The following TCP11 variants were observed in gnomAD, a reference collection of about 807,000 sequenced individuals.
The protein encoded by TCP11 is T-complex protein 11 homolog.
TCP11 carries 34 observed loss-of-function variants against 45.0 expected under a neutral mutation model. That is an observed-to-expected ratio of 0.76 (90% CI 0.57 to 1.01). The LOEUF (loss-of-function observed/expected upper bound fraction) is 1.01, where lower values mean the gene tolerates loss of function less well. Among genes scored for constraint, TCP11 ranks in the 50% least tolerant of loss-of-function variants. The probability of loss-of-function intolerance (pLI) is 0.00; values close to 1 mark genes in which losing one functional copy is unlikely to be tolerated. For missense variants in TCP11, 523 were observed against 598.1 expected (o/e 0.87, Z 1.31); for synonymous variants, 227 against 227.0 (o/e 1.00, Z 0.00).
Position 35,141,214 on chromosome 6 carries a change from C to T in TCP11, c.-24G>A. On this transcript the variant is annotated 5_prime_UTR_variant, in exon 1 of 10. Coordinates refer to ENST00000311875, the MANE Select transcript of TCP11 (RefSeq NM_001370687.1). Reference sequence around the variant, plus strand: ...GCTCCCAGGCCGTCACCTCCTCCTCCCCCGCCGCGGGTCATCCACTGGCGT... The same window carrying T: ...GCTCCCAGGCCGTCACCTCCTCCTCTCCCGCCGCGGGTCATCCACTGGCGT... 2 of 1,384,246 alleles carry T rather than the reference C, an allele frequency of 1.4e-6. No individual in the cohort carries two copies. Among genetic ancestry groups the T allele is most frequent in the Non-Finnish European group, 1.9e-6 (2 of 1,070,654 alleles). The allele number at this position is 1,384,246 out of a possible 1,614,324, so 85.7% of individuals were successfully genotyped here.
chr6:35,136,249 G>A, intron 2 of TCP11, 31 bp from the exon 3 acceptor site: 1 of 1,543,194 alleles, frequency 6.5e-7, no homozygotes, highest in South Asian at 1.1e-5. Flanking sequence ...GCCCATGCAA[G>A]TCTGAATTTC....
chr6:35,141,158 C>T (rs1781731664), intron 1 of TCP11, 47 bp downstream of exon 1: 3 of 1,322,572 alleles, frequency 2.3e-6, no homozygotes, highest in Admixed American at 4.0e-5. Context: ...GTGCCCCCCT[C>T]GCCCGAAACG....
chr6:35,126,860 A>T (rs1779887690), intron 4 of TCP11, among the ~76,000 whole-genome samples: 2 of 151,652 alleles, frequency 1.3e-5, no homozygotes, highest in South Asian at 4.2e-4. Context: ...GTTTCACCAC[A>T]TTACCCAAGC....
chr6:35,126,202 C>T (rs2127657328), intron 4 of TCP11, among the ~76,000 whole-genome samples: 1 of 152,316 alleles, frequency 6.6e-6, no homozygotes, highest in Non-Finnish European at 1.5e-5. Context: ...TTAAAGCCCC[C>T]AATATGGCCC....
At chr6:35,134,945 C>T (rs1247084479) in intron 3 of TCP11, among the ~76,000 whole-genome samples, 3 of 151,860 alleles carry the variant, frequency 2.0e-5, no homozygotes, top group Non-Finnish European at 4.4e-5. Flanking sequence ...GTTGGGTGTT[C>T]GAGACCAGAC....
intron 3 of TCP11, among the ~76,000 whole-genome samples, chr6:35,130,469 T>C (rs557858727): frequency 6.6e-6 from 1 of 152,208 alleles, no homozygotes; most frequent in Admixed American, 6.5e-5. Flanking sequence ...TAAGGATATA[T>C]ATCCAAAACA....
In TCP11 at chr6:35,120,498, G is replaced by A; in HGVS notation, c.864C>T (p.Pro288=). 4.3e-6 allele frequency: 7 copies of A among 1,613,578 alleles called. No homozygotes were observed. The highest frequency in any genetic ancestry group is 5.9e-6 in the Non-Finnish European group (7 of 1,179,830). The change falls in exon 7 of 10, where the codon CCC becomes CCT. Residue 288 remains proline, a synonymous_variant. Coordinates refer to ENST00000311875, the MANE Select transcript of TCP11 (RefSeq NM_001370687.1). This position sits in a 1 kb window ranked among gnomAD's most constrained non-coding sequence, Gnocchi z 4.9. ...AGAAGCCCTGACACAGCACCATTGT[G>A]GGGCTGAGGGGCTCTGGGTTGTTGG... is the stretch of plus-strand genomic sequence containing the variant. ...EAANNPEPLS[P]TMVLCQGFLN...
At chr6:35,137,844 T>C (rs760173213) in intron 2 of TCP11, 4 of 455,288 alleles carry the variant, frequency 8.8e-6, no homozygotes, top group South Asian at 4.7e-5. Flanking sequence ...GAGTTGATCA[T>C]TGTTGAAGCT....
At chr6:35,118,536 G>A (rs760744875) in intron 9 of TCP11, 35 bp from the exon 10 acceptor site, 43 of 1,587,864 alleles carry the variant, frequency 2.7e-5, no homozygotes, top group East Asian at 6.7e-5. Context: ...AAGGGAAAAG[G>A]CAAACAGATT....
Position 35,120,604 on chromosome 6 carries a change from CCTG to C in TCP11, c.755_757del (p.Ala252del). 6.2e-7 allele frequency: 1 copy of C among 1,613,598 alleles called. No homozygotes were observed. The highest frequency in any genetic ancestry group is 8.5e-7 in the Non-Finnish European group (1 of 1,180,000). On this transcript the variant is annotated inframe_deletion, in exon 7 of 10. Coordinates refer to ENST00000311875, the MANE Select transcript of TCP11 (RefSeq NM_001370687.1). This position sits in a 1 kb window ranked among gnomAD's most constrained non-coding sequence, Gnocchi z 4.9. ...AGTCGGAGGTGACATGGTGAGGTCTCCTGCTGCTTGGGTCAGCCATTTGGTGGT... is the reference window on the plus strand; with the variant it reads ...AGTCGGAGGTGACATGGTGAGGTCTCCTGCTTGGGTCAGCCATTTGGTGGT...
chr6:35,134,274 T>C (rs1030763212), intron 3 of TCP11, among the ~76,000 whole-genome samples: 2 of 27,524 alleles, frequency 7.3e-5, no homozygotes, highest in East Asian at 1.1e-3. Context: ...ACCCATAAGC[T>C]TTTTTTTTTT....
intron 4 of TCP11, among the ~76,000 whole-genome samples, chr6:35,127,172 C>A (rs984457663): frequency 6.6e-6 from 1 of 152,122 alleles, no homozygotes; most frequent in African/African-American, 2.4e-5. Context: ...CCATTGGGGG[C>A]TCCTTATACC....
chr6:35,120,894 A>G lies in TCP11; in HGVS notation c.715+15T>C, dbSNP rs1191354847. ...TAATACCTTTCCCACTCCTGCCCTC[A>G]CATTATATACATACTAGGCTGCTTA... On this transcript the variant is annotated intron_variant, in intron 6 of 9. Coordinates refer to ENST00000311875, the MANE Select transcript of TCP11 (RefSeq NM_001370687.1). This position sits in a 1 kb window ranked among gnomAD's most constrained non-coding sequence, Gnocchi z 4.9. 1 of 1,605,248 alleles carries G rather than the reference A, an allele frequency of 6.2e-7. No homozygotes were observed. The highest frequency in any genetic ancestry group is 8.5e-7 in the Non-Finnish European group (1 of 1,175,408).
At position 35,120,337 on chromosome 6, in the gene TCP11, G is replaced by A; in HGVS notation, c.937C>T (p.Leu313=). 6.2e-7 allele frequency: 1 copy of A among 1,613,212 alleles called. No individual in the cohort carries two copies. ...DLENEEFPET[L]LMDRTRLQEL... ...TGCAGCCGGGTTCTGTCCATCAGCA[G>A]GGTCTGGGAACCAGGGAAGAACAGG... Residue 313 remains leucine, a synonymous_variant, in exon 8 of 10, where the codon CTG becomes TTG. Coordinates refer to ENST00000311875, the MANE Select transcript of TCP11 (RefSeq NM_001370687.1). The surrounding 1 kb of genome is among the most constrained non-coding windows in gnomAD (Gnocchi z 4.9).
intron 3 of TCP11, among the ~76,000 whole-genome samples, chr6:35,132,015 A>C (rs991092599): frequency 6.6e-6 from 1 of 152,252 alleles, no homozygotes; most frequent in Non-Finnish European, 1.5e-5. Context: ...GCTGTTTCTC[A>C]GATGCCATAT....
At chr6:35,133,189 T>C (rs967890643) in intron 3 of TCP11, among the ~76,000 whole-genome samples, 2 of 152,162 alleles carry the variant, frequency 1.3e-5, no homozygotes, top group Non-Finnish European at 2.9e-5. Flanking sequence ...ACAATCTTTT[T>C]TTTTAGAGAC....
chr6:35,122,485 A>G, intron 4 of TCP11, 148 bp from the exon 5 acceptor site: 1 of 687,908 alleles, frequency 1.5e-6, no homozygotes, highest in Non-Finnish European at 2.5e-6. Context: ...AATATTATTT[A>G]TCTTTGTTTA....
chr6:35,128,928 T>C (rs1237404590), intron 4 of TCP11, 134 bp downstream of exon 4: 4 of 1,150,698 alleles, frequency 3.5e-6, no homozygotes, highest in Non-Finnish European at 4.8e-6. Flanking sequence ...CTAAAATTAC[T>C]GTATGATTTC....
At position 35,122,294 on chromosome 6, in the gene TCP11, A is replaced by G; in HGVS notation, c.401T>C (p.Ile134Thr). 9 of 1,614,094 alleles carry G rather than the reference A, an allele frequency of 5.6e-6. No homozygotes were observed. The highest frequency in any genetic ancestry group is 7.6e-6 in the Non-Finnish European group (9 of 1,180,022). Residue 134 changes from isoleucine to threonine, a missense_variant, in exon 5 of 10, where the codon ATT (isoleucine) becomes ACT (threonine). Physicochemically the swap from Ile to Thr is moderately conservative, Grantham distance 89. This residue lies in a region of TCP11 where 225 missense variants were observed against 210.2 expected (regional missense o/e 1.07). Coordinates refer to ENST00000311875, the MANE Select transcript of TCP11 (RefSeq NM_001370687.1). The part of the protein sequence containing the change: ...LLLPRQNRLR[I>T]EIEEALDMDL... ...CATGTCCAGAGCTTCTTCAATCTCA[A>G]TTCTCAGGCGGTTCTGGCGTGGTAA...
Sources: gnomAD v4.1 joint callset for allele counts (sites outside exome capture counted in the v4.1 genomes callset) on GRCh38, gnomAD v4.1.1 for gene constraint, gnomAD v4.1.1 regional missense constraint, Gnocchi (gnomAD v3.1) non-coding constraint, MANE v1.5 for transcripts, NCBI Gene and HGNC (gene_info 2026-07-23, HGNC 2026-07-21) for gene names.